The following NFASC variants were observed in gnomAD, a reference collection of about 807,000 sequenced individuals.
NFASC encodes the protein neurofascin.
In NFASC, 43 loss-of-function variants were observed where a neutral mutation model predicts 147.5. The ratio of observed to expected loss-of-function variants is 0.29; its 90% CI spans 0.23 to 0.38. The LOEUF (loss-of-function observed/expected upper bound fraction) is 0.38. NFASC is among the 10% of genes least tolerant of loss of function. The pLI, the probability that NFASC is intolerant of heterozygous loss-of-function variation, is 1.00. For missense variants in NFASC, 1,320 were observed against 1,689.0 expected (o/e 0.78, Z 3.83); for synonymous variants, 622 against 665.5 (o/e 0.93, Z 1.01).
At chr1:204,920,605 G>A (rs757919201) in intron 1 of NFASC, 27 bp from the exon 2 acceptor site, 2 of 1,153,678 alleles carry the variant, frequency 1.7e-6, no homozygotes, top group African/African-American at 1.6e-5. Context: ...TAACCCTGGG[G>A]TTCTCCTTTG....
chr1:204,974,533 G>A (rs1186188934), intron 13 of NFASC, 124 bp from the exon 14 acceptor site: 7 of 1,187,604 alleles, frequency 5.9e-6, no homozygotes, highest in South Asian at 1.2e-5. Context: ...CGAGGCTCAG[G>A]GCTCCAGTCT....
rs2096242268 is a variant in NFASC, at chr1:205,010,883, GC to G, written c.3421+1196del. On this transcript the variant is annotated intron_variant, in intron 28 of 29. Coordinates refer to ENST00000339876, the MANE Select transcript of NFASC (RefSeq NM_001005388.3). This position sits in a 1 kb window ranked among gnomAD's most constrained non-coding sequence, Gnocchi z 4.1. ...GTGCCACTGCACTCCAGCCTGGGCG[GC>G]AGAGCAAGACTCCGTCTCAAAAAAG... 1 of 150,348 alleles carries G rather than the reference GC, an allele frequency of 6.7e-6. No individual in the cohort carries two copies. Among genetic ancestry groups the G allele is most frequent in the Admixed American group, 6.6e-5 (1 of 15,130 alleles). The allele number at this position is 150,348 out of a possible 1,614,324, so 9.3% of individuals were successfully genotyped here. A position where few individuals can be genotyped will look rare whatever the true frequency, so the allele number is the denominator to read the frequency against.
At chr1:204,876,667 A>G (rs1417612828) in intron 1 of NFASC, among the ~76,000 whole-genome samples, 3 of 152,016 alleles carry the variant, frequency 2.0e-5, no homozygotes, top group Admixed American at 6.6e-5. Context: ...GAACTTAGCT[A>G]CGCTAGGAAC....
At chr1:204,920,432 T>TG (rs2090207426) in intron 1 of NFASC, among the ~76,000 whole-genome samples, 200 bp from the exon 2 acceptor site, 1 of 142,410 alleles carries the variant, frequency 7.0e-6, no homozygotes, top group African/African-American at 2.6e-5. Context: ...CTGTCCTTTT[T>TG]TTTTTTTTTT....
chr1:204,984,082 C>CA (rs1229536651), intron 21 of NFASC: 1 of 1,614,172 alleles, frequency 6.2e-7, no homozygotes, highest in Non-Finnish European at 8.5e-7. Context: ...GCACAGCCAT[C>CA]AGCCTTCAGT....
In NFASC at chr1:204,937,153, T is replaced by TA. The variant is rs111700110; in HGVS notation, c.-90-7062dup. On this transcript the variant is annotated intron_variant, in intron 2 of 29. Transcript: ENST00000339876. ...CAATCACTACTGTGGTTTCTTTCTT[T>TA]AAAAAAAAAAACACTTCTAGAGCAG... 5.0e-3 allele frequency among the ~76,000 whole-genome samples: 740 copies of TA among 147,574 alleles called. 3 individuals are homozygous for TA. Among genetic ancestry groups the TA allele is most frequent in the Admixed American group, 7.5e-3 (111 of 14,802 alleles).
At chr1:204,992,312 C>T (rs1002102548) in intron 24 of NFASC, among the ~76,000 whole-genome samples, 2 of 152,186 alleles carry the variant, frequency 1.3e-5, no homozygotes, top group Non-Finnish European at 2.9e-5. Flanking sequence ...GGCCAGGAAT[C>T]TGAGGGTTGG....
rs757100401 is a variant in NFASC at position 204,968,315 on chromosome 1, T to C, written c.773T>C (p.Val258Ala). 10 of 1,614,062 alleles carry C rather than the reference T, an allele frequency of 6.2e-6. No individual in the cohort carries two copies. The highest frequency in any genetic ancestry group is 2.7e-5 in the African/African-American group (2 of 74,916). ...YPQGTASSQM[V>A]LRGMDLLLEC... ...CAGGGCACCGCGAGCAGCCAGATGG[T>C]GCTTCGTGGCATGGACCTCCTGCTG... Residue 258 changes from valine (V) to alanine (A), a missense_variant, in exon 9 of 30, where the codon GTG becomes GCG. Val to Ala is a moderately conservative substitution (Grantham distance 64). Around this residue, in one of 3 missense-constraint regions of NFASC, gnomAD observed 981 missense variants for 1,289.5 expected, o/e 0.76. Coordinates refer to ENST00000339876, the MANE Select transcript of NFASC (RefSeq NM_001005388.3). The surrounding 1 kb of genome is among the most constrained non-coding windows in gnomAD (Gnocchi z 5.4).
chr1:204,908,862 T>C (rs1039811528), intron 1 of NFASC, among the ~76,000 whole-genome samples: 16 of 152,216 alleles, frequency 1.1e-4, no homozygotes, highest in African/African-American at 3.6e-4. Context: ...TCATTCAGCA[T>C]AATTCTCTGG....
chr1:204,920,767 G>A (rs1240100016), intron 2 of NFASC, 27 bp downstream of exon 2: 2 of 1,137,942 alleles, frequency 1.8e-6, no homozygotes, highest in African/African-American at 1.6e-5. Context: ...CCTGGGGTAT[G>A]TGTCATTGGA....
intron 1 of NFASC, among the ~76,000 whole-genome samples, chr1:204,849,715 A>G (rs1288675778): frequency 6.6e-6 from 1 of 152,186 alleles, no homozygotes; most frequent in Non-Finnish European, 1.5e-5. Flanking sequence ...CTGGTCATCC[A>G]TCCCCCTGGA....
chr1:204,963,721 G>A (rs958203780), intron 8 of NFASC, among the ~76,000 whole-genome samples: 7 of 152,224 alleles, frequency 4.6e-5, no homozygotes, highest in African/African-American at 1.7e-4. Flanking sequence ...TGCTGGAAAG[G>A]ATATAAAGTC....
intron 1 of NFASC, among the ~76,000 whole-genome samples, chr1:204,894,486 A>G (rs948483384): frequency 5.3e-5 from 8 of 152,228 alleles, no homozygotes; most frequent in Admixed American, 4.6e-4. Flanking sequence ...TTGTTTTACC[A>G]TTGAGGCAAA....
At chr1:204,890,872 G>A (rs924414237) in intron 1 of NFASC, among the ~76,000 whole-genome samples, 6 of 152,162 alleles carry the variant, frequency 3.9e-5, no homozygotes, top group African/African-American at 1.4e-4. Context: ...ACCTGGCCAG[G>A]GAGGCACTTT....
Position 205,021,891 on chromosome 1 carries a change from G to C in NFASC, c.*5352G>C, listed in dbSNP as rs1218374173. The stretch of plus-strand genomic sequence containing the variant: ...GGAATAGGATAGCTGATTGGTGTTT[G>C]TTACTGTGAACCCTAGACCGTACCC... On this transcript the variant is annotated 3_prime_UTR_variant, in exon 30 of 30. Transcript: ENST00000339876. 1.3e-5 allele frequency: 2 copies of C among 152,696 alleles called. No homozygotes were observed. Among genetic ancestry groups the C allele is most frequent in the Non-Finnish European group, 2.9e-5 (2 of 68,070 alleles). The allele number at this position is 152,696 out of a possible 1,614,324, so 9.5% of individuals were successfully genotyped here. A position where few individuals can be genotyped will look rare whatever the true frequency, so the allele number is the denominator to read the frequency against.
intron 7 of NFASC, among the ~76,000 whole-genome samples, chr1:204,956,806 A>C (rs926953081): frequency 1.3e-4 from 20 of 152,164 alleles, no homozygotes; most frequent in African/African-American, 3.1e-4. Context: ...AATTGTGGGG[A>C]TAGGAAGGAG....
rs2096367440 is a variant in NFASC, at chr1:205,016,935, A to AATGTCTC, written c.*397_*403dup. The AATGTCTC allele has an allele frequency of 3.2e-6, 1 of 312,034 alleles. No individual in the cohort carries two copies. The highest frequency in any genetic ancestry group is 4.0e-5 in the Admixed American group (1 of 24,766). The allele number at this position is 312,034 out of a possible 1,614,324, so 19.3% of individuals were successfully genotyped here. A position where few individuals can be genotyped will look rare whatever the true frequency, so the allele number is the denominator to read the frequency against. On this transcript the variant is annotated 3_prime_UTR_variant, in exon 30 of 30. Transcript: ENST00000339876. This position sits in a 1 kb window ranked among gnomAD's most constrained non-coding sequence, Gnocchi z 5.1. ...TTTGTGCATCTTCCCCTCCAGACCC[A>AATGTCTC]ATGTCTCTGTTTTCTTTTCCTTTTG...
intron 28 of NFASC, among the ~76,000 whole-genome samples, chr1:205,012,417 A>G (rs532788795): frequency 6.6e-6 from 1 of 152,366 alleles, no homozygotes; most frequent in South Asian, 2.1e-4. Context: ...AACGTCCACA[A>G]ATAGTTACAC....
intron 1 of NFASC, among the ~76,000 whole-genome samples, chr1:204,837,024 C>T (rs1673975545): frequency 6.6e-6 from 1 of 152,258 alleles, no homozygotes; most frequent in South Asian, 2.1e-4. Context: ...AGTTATTTTA[C>T]TAATCAAGAA....
Sources: gnomAD v4.1 joint callset for allele counts (sites outside exome capture counted in the v4.1 genomes callset) on GRCh38, gnomAD v4.1.1 for gene constraint, gnomAD v4.1.1 regional missense constraint, Gnocchi (gnomAD v3.1) non-coding constraint, MANE v1.5 for transcripts, NCBI Gene and HGNC (gene_info 2026-07-23, HGNC 2026-07-21) for gene names.